TENM2: variants seen among roughly 807,000 people sequenced by gnomAD.
The protein encoded by TENM2 is teneurin transmembrane protein 2.
A neutral mutation model predicts 245.2 loss-of-function variants in TENM2; 52 were observed. The observed-to-expected ratio is 0.21, with a 90% CI of 0.17 to 0.27. The LOEUF is 0.27. Ranked by LOEUF, TENM2 falls within the 10% of genes least tolerant of loss-of-function variation. The pLI is 1.00. For missense variants in TENM2, 3,046 were observed against 3,666.8 expected, an observed-to-expected ratio of 0.83 and a Z score of 4.37; for synonymous variants, 1,363 against 1,438.9, an observed-to-expected ratio of 0.95 and a Z score of 1.19.
chr5:168,085,751 C>T (rs938663360), intron 7 of TENM2, among the ~76,000 whole-genome samples: 4 of 152,246 alleles, frequency 2.6e-5, no homozygotes, highest in Admixed American at 6.5e-5. Context: ...GAGCGACCCA[C>T]TGCAGCTAAG....
chr5:168,005,472 C>A (rs189567194), intron 5 of TENM2, among the ~76,000 whole-genome samples: 44 of 152,296 alleles, frequency 2.9e-4, no homozygotes, highest in South Asian at 4.2e-4. Context: ...ACTGTCTCAC[C>A]CCTCCCCAAA....
chr5:167,671,300 A>T (rs1303661175), intron 2 of TENM2, among the ~76,000 whole-genome samples: 1 of 152,152 alleles, frequency 6.6e-6, no homozygotes, highest in African/African-American at 2.4e-5. Flanking sequence ...TCAGCCAAGG[A>T]GTAAGCTCAT....
chr5:167,373,075 T>C (rs1369855397), intron 1 of TENM2, among the ~76,000 whole-genome samples: 1 of 152,202 alleles, frequency 6.6e-6, no homozygotes, highest in African/African-American at 2.4e-5. Flanking sequence ...AATCACCCCA[T>C]GCTGACAGGA....
chr5:167,381,106 G>A (rs779304895), intron 2 of TENM2, among the ~76,000 whole-genome samples: 1 of 152,046 alleles, frequency 6.6e-6, no homozygotes, highest in Non-Finnish European at 1.5e-5. Context: ...GAATGTATGA[G>A]GAGTAATGAG....
At chr5:167,450,537 A>G (rs1034002041) in intron 2 of TENM2, among the ~76,000 whole-genome samples, 38 of 152,338 alleles carry the variant, frequency 2.5e-4, no homozygotes, top group African/African-American at 8.9e-4. Context: ...GTGGGTATAT[A>G]TAGAAAGTAA....
chr5:167,503,687 A>G (rs1769360574), intron 2 of TENM2, among the ~76,000 whole-genome samples: 1 of 152,214 alleles, frequency 6.6e-6, no homozygotes, highest in Admixed American at 6.5e-5. Flanking sequence ...TGAGCCCAGG[A>G]GTTCCAGACC....
At chr5:167,777,282 T>A (rs1763873822) in intron 2 of TENM2, among the ~76,000 whole-genome samples, 1 of 152,236 alleles carries the variant, frequency 6.6e-6, no homozygotes, top group Non-Finnish European at 1.5e-5. Flanking sequence ...TTGATAGTGC[T>A]TATCTCTGGA....
chr5:167,538,596 C>G (rs183941146), intron 2 of TENM2, among the ~76,000 whole-genome samples: 74 of 152,304 alleles, frequency 4.9e-4, no homozygotes, highest in Admixed American at 3.5e-3. Context: ...ACCATGAATT[C>G]TAAGCTGAAG....
At chr5:167,426,801 A>G (rs1171763668) in intron 2 of TENM2, among the ~76,000 whole-genome samples, 1 of 152,136 alleles carries the variant, frequency 6.6e-6, no homozygotes, top group African/African-American at 2.4e-5. Flanking sequence ...CCTAGCAGCA[A>G]GGTGAATTCT....
intron 3 of TENM2, among the ~76,000 whole-genome samples, chr5:167,945,652 TCCGC>T (rs1779556035): frequency 6.6e-6 from 1 of 152,210 alleles, no homozygotes; most frequent in Non-Finnish European, 1.5e-5. Flanking sequence ...ATTCCCGTGT[TCCGC>T]TATGCAGTGT....
intron 5 of TENM2, among the ~76,000 whole-genome samples, chr5:168,022,996 C>T (rs1057383548): frequency 2.0e-5 from 3 of 152,306 alleles, no homozygotes; most frequent in Admixed American, 1.3e-4. Flanking sequence ...CTGTCGTTCT[C>T]TAAGCAATGG....
At chr5:167,744,178 A>T (rs1761398150) in intron 2 of TENM2, among the ~76,000 whole-genome samples, 1 of 152,180 alleles carries the variant, frequency 6.6e-6, no homozygotes, top group South Asian at 2.1e-4. Flanking sequence ...ATCTCCAAGC[A>T]TATTTGGAGA....
At chr5:167,088,366 C>T in the TENM2 span, among the ~76,000 whole-genome samples, 73 of 152,106 alleles carry the variant, frequency 4.8e-4, no homozygotes, top group African/African-American at 1.7e-3. Context: ...GTGACTCATG[C>T]CTGTAATCCC....
At chr5:168,248,996 G>A (rs1203077033) in intron 27 of TENM2, among the ~76,000 whole-genome samples, 1 of 152,112 alleles carries the variant, frequency 6.6e-6, no homozygotes, top group Non-Finnish European at 1.5e-5. Context: ...GTACATGCCT[G>A]TAGGCCCAGC....
At position 167,920,556 on chromosome 5, in the gene TENM2, C is replaced by CAA. The variant is rs1554145619; in HGVS notation, c.713-32030_713-32029dup. ...ACACACACACACACACACACACACA[C>CAA]AAATAGCATGGGCAAGGTACTATTG... On this transcript the variant is annotated intron_variant, in intron 3 of 28. Coordinates refer to ENST00000518659, the Ensembl canonical transcript of TENM2. Among the ~76,000 whole-genome samples, 7 of 148,454 alleles carry CAA rather than the reference C, an allele frequency of 4.7e-5. No individual in the cohort carries two copies. In the East Asian group the frequency reaches 1.2e-3, roughly 25 times the overall value.
chr5:168,226,681 CT>C (rs1764221595), intron 24 of TENM2, among the ~76,000 whole-genome samples: 1 of 152,246 alleles, frequency 6.6e-6, no homozygotes, highest in East Asian at 1.9e-4. Context: ...CATCCTGATT[CT>C]CTCTTTTAAG....
intron 1 of TENM2, among the ~76,000 whole-genome samples, chr5:167,362,889 G>A (rs558430823): frequency 6.6e-6 from 1 of 152,180 alleles, no homozygotes; most frequent in South Asian, 2.1e-4. Context: ...ATAGTAACAT[G>A]AATAATAATA....
the TENM2 span, among the ~76,000 whole-genome samples, chr5:166,993,228 C>A: frequency 1.3e-5 from 2 of 152,042 alleles, no homozygotes; most frequent in African/African-American, 2.4e-5. Context: ...TACCCAGAAG[C>A]GGACCCTTGG....
the TENM2 span, among the ~76,000 whole-genome samples, chr5:167,197,837 A>G: frequency 9.9e-5 from 15 of 152,056 alleles, no homozygotes; most frequent in African/African-American, 3.6e-4. Flanking sequence ...AGATATTTAT[A>G]TGTCTCATAT....
Sources: allele counts gnomAD v4.1 joint callset (sites outside exome capture counted in the v4.1 genomes callset), GRCh38; gene constraint gnomAD v4.1.1; transcripts MANE v1.5; gene names NCBI Gene and HGNC (gene_info 2026-07-23, HGNC 2026-07-21).